The following TAFA4 variants were observed in gnomAD, a reference collection of about 807,000 sequenced individuals.
The protein encoded by TAFA4 is TAFA chemokine like family member 4.
TAFA4 carries 20 observed loss-of-function variants against 21.1 expected under a neutral mutation model. That is an observed-to-expected ratio of 0.95 (90% CI 0.67 to 1.38). The LOEUF (loss-of-function observed/expected upper bound fraction) is 1.38, where lower values mean the gene tolerates loss of function less well. TAFA4 is among the 40% of genes most tolerant of loss of function. TAFA4 has a pLI of 0.00. For synonymous variants in TAFA4, 71 were observed against 67.4 expected, an observed-to-expected ratio of 1.05 and a Z score of -0.26; for missense variants, 211 against 180.9, an observed-to-expected ratio of 1.17 and a Z score of -0.95.
intron 3 of TAFA4, among the ~76,000 whole-genome samples, chr3:68,797,617 A>C: frequency 6.6e-6 from 1 of 151,276 alleles, no homozygotes; most frequent in East Asian, 1.9e-4. Context: ...CATCTCAAAA[A>C]AAAAAAAAAA....
chr3:68,842,975 T>C (rs929665437), intron 3 of TAFA4, among the ~76,000 whole-genome samples: 3 of 152,220 alleles, frequency 2.0e-5, no homozygotes, highest in African/African-American at 7.2e-5. Flanking sequence ...GCATGATGCC[T>C]CCAGCTTCGT....
intron 4 of TAFA4, among the ~76,000 whole-genome samples, chr3:68,743,675 C>T (rs1009033213): frequency 1.1e-4 from 17 of 151,982 alleles, no homozygotes; most frequent in Non-Finnish European, 2.2e-4. Flanking sequence ...ACTTTCAAAG[C>T]ACTTCTACTT....
intron 3 of TAFA4, among the ~76,000 whole-genome samples, chr3:68,876,767 T>C (rs1273979326): frequency 6.6e-6 from 1 of 151,910 alleles, no homozygotes; most frequent in Non-Finnish European, 1.5e-5. Flanking sequence ...TAAATTTCCA[T>C]AAATTTGAAC....
At chr3:68,757,097 A>G (rs1414728418) in intron 3 of TAFA4, among the ~76,000 whole-genome samples, 2 of 152,146 alleles carry the variant, frequency 1.3e-5, no homozygotes, top group Non-Finnish European at 2.9e-5. Context: ...TGCCATAACA[A>G]AATACCATAG....
chr3:68,891,791 C>T (rs190064492), intron 1 of TAFA4, among the ~76,000 whole-genome samples: 3 of 152,250 alleles, frequency 2.0e-5, no homozygotes, highest in Admixed American at 6.5e-5. Flanking sequence ...CAATAGAAAT[C>T]TCGAAGCAGA....
intron 3 of TAFA4, among the ~76,000 whole-genome samples, chr3:68,785,837 C>A (rs1331193101): frequency 6.6e-6 from 1 of 152,240 alleles, no homozygotes; most frequent in African/African-American, 2.4e-5. Flanking sequence ...GCTGTAACCT[C>A]TCACTAGGGC....
chr3:68,893,486 T>C (rs1484553801), intron 1 of TAFA4, among the ~76,000 whole-genome samples: 1 of 152,194 alleles, frequency 6.6e-6, no homozygotes, highest in African/African-American at 2.4e-5. Context: ...AAGCCCCCAG[T>C]TTCACTCCCA....
intron 1 of TAFA4, among the ~76,000 whole-genome samples, chr3:68,901,815 C>A (rs1309968287): frequency 1.3e-5 from 2 of 152,178 alleles, no homozygotes; most frequent in Non-Finnish European, 1.5e-5. Context: ...GAGGGCAGAT[C>A]TTGCCAACCC....
intron 3 of TAFA4, among the ~76,000 whole-genome samples, chr3:68,753,222 G>A (rs954893142): frequency 4.6e-5 from 7 of 152,164 alleles, no homozygotes; most frequent in African/African-American, 1.4e-4. Context: ...TGAACCTGTG[G>A]TAGGCAGAAA....
In TAFA4 at chr3:68,803,797, C is replaced by CTTTTTTTTTTTTT. The variant is rs386396961; in HGVS notation, c.131-50792_131-50780dup. On this transcript the variant is annotated intron_variant, in intron 3 of 5. Coordinates refer to ENST00000295569, the MANE Select transcript of TAFA4 (RefSeq NM_182522.5). ...TTTAAGGGTCTCTACATCTCTGATT[C>CTTTTTTTTTTTTT]TTTTTTTTTTTTTTTTTTTTTTTGT... is the stretch of plus-strand genomic sequence containing the variant. 8.2e-4 allele frequency among the ~76,000 whole-genome samples: 67 copies of CTTTTTTTTTTTTT among 81,612 alleles called. 7 individuals are homozygous for CTTTTTTTTTTTTT. The highest frequency in any genetic ancestry group is 2.3e-3 in the East Asian group (5 of 2,170). 53.5% of individuals were successfully genotyped at this position (81,612 alleles called of 152,430 possible).
chr3:68,827,210 T>C (rs967206592), intron 3 of TAFA4, among the ~76,000 whole-genome samples: 6 of 152,206 alleles, frequency 3.9e-5, no homozygotes, highest in African/African-American at 1.4e-4. Flanking sequence ...GCAAAAAACA[T>C]GAACTCATCC....
chr3:68,810,769 C>G (rs1165355968), intron 3 of TAFA4, among the ~76,000 whole-genome samples: 2 of 152,222 alleles, frequency 1.3e-5, no homozygotes, highest in Non-Finnish European at 2.9e-5. Flanking sequence ...AAACAAAAGG[C>G]AGCAGAAAAC....
intron 3 of TAFA4, among the ~76,000 whole-genome samples, chr3:68,801,248 T>C (rs551467512): frequency 6.8e-6 from 1 of 148,088 alleles, no homozygotes; most frequent in East Asian, 1.9e-4. Flanking sequence ...CACGTCCCCC[T>C]GGGCCAAAAT....
intron 3 of TAFA4, among the ~76,000 whole-genome samples, chr3:68,788,147 A>T (rs553314316): frequency 6.6e-6 from 1 of 152,190 alleles, no homozygotes; most frequent in Non-Finnish European, 1.5e-5. Flanking sequence ...AGTGGTGTGT[A>T]ACACGTGGCT....
chr3:68,901,781 A>G lies in TAFA4; in HGVS notation c.-122-16471T>C, dbSNP rs188668538. Among the ~76,000 whole-genome samples the G allele has an allele frequency of 9.5e-4, 144 of 152,296 alleles. 2 individuals carry two copies. The highest frequency in any genetic ancestry group is 3.4e-3 in the African/African-American group (141 of 41,562). ...GCAAAAGCTGACTTTGGCTGATACC[A>G]AACACAGTGGAACACACTGGAAGGA... is the stretch of plus-strand genomic sequence containing the variant. On this transcript the variant is annotated intron_variant, in intron 1 of 5. Transcript: ENST00000295569.
chr3:68,927,609 A>G (rs1378087728), intron 1 of TAFA4, among the ~76,000 whole-genome samples: 1 of 152,212 alleles, frequency 6.6e-6, no homozygotes, highest in Non-Finnish European at 1.5e-5. Flanking sequence ...CATAAGAAAT[A>G]CAAGTATAGC....
chr3:68,895,199 T>C (rs2106972277), intron 1 of TAFA4, among the ~76,000 whole-genome samples: 1 of 152,276 alleles, frequency 6.6e-6, no homozygotes, highest in South Asian at 2.1e-4. Flanking sequence ...CGTTTCACCA[T>C]GTTGGCCAAG....
At chr3:68,868,079 C>T (rs1249122570) in intron 3 of TAFA4, among the ~76,000 whole-genome samples, 1 of 151,726 alleles carries the variant, frequency 6.6e-6, no homozygotes, top group Admixed American at 6.6e-5. Context: ...AAAAACACAA[C>T]CCAACTATAA....
At chr3:68,888,170 T>C (rs1451223110) in intron 1 of TAFA4, among the ~76,000 whole-genome samples, 1 of 152,140 alleles carries the variant, frequency 6.6e-6, no homozygotes, top group Non-Finnish European at 1.5e-5. Flanking sequence ...TATAAAACAC[T>C]TCCATCTTCT....
Sources: gnomAD v4.1 joint callset for allele counts (sites outside exome capture counted in the v4.1 genomes callset) on GRCh38, gnomAD v4.1.1 for gene constraint, MANE v1.5 for transcripts, NCBI Gene and HGNC (gene_info 2026-07-23, HGNC 2026-07-21) for gene names.